The following PDE4D variants were observed in gnomAD, a reference collection of about 807,000 sequenced individuals.
PDE4D encodes the protein phosphodiesterase 4D.
In PDE4D, 24 loss-of-function variants were observed where a neutral mutation model predicts 87.4. The ratio of observed to expected loss-of-function variants is 0.27; its 90% CI spans 0.20 to 0.39. The LOEUF (loss-of-function observed/expected upper bound fraction) is 0.39, where lower values mean the gene tolerates loss of function less well. Ranked by LOEUF, PDE4D falls within the 10% of genes least tolerant of loss-of-function variation. The probability of loss-of-function intolerance (pLI) is 1.00; values close to 1 mark genes in which losing one functional copy is unlikely to be tolerated. For missense variants in PDE4D, 714 were observed against 1,041.0 expected (o/e 0.69, Z 4.32); for synonymous variants, 384 against 383.2 (o/e 1.00, Z -0.02).
intron 1 of PDE4D, among the ~76,000 whole-genome samples, chr5:60,377,508 C>T (rs895053990): frequency 3.9e-5 from 6 of 152,092 alleles, no homozygotes; most frequent in Non-Finnish European, 7.4e-5. Context: ...TGTTTATTAG[C>T]CAAAACAGAC....
chr5:59,823,981 C>T lies in PDE4D; in HGVS notation c.455+69187G>A, dbSNP rs78326291. Among the ~76,000 whole-genome samples the T allele has an allele frequency of 9.6e-3, 1,463 of 151,766 alleles. 20 individuals are homozygous for T. The highest frequency in any genetic ancestry group is 0.034 in the African/African-American group (1,397 of 41,318). ...TAGTCTCTGTCGCTCTCCATTGCATCACCCAGTTTTACTGTCTTCATAGCA... is the reference window on the plus strand; with the variant it reads ...TAGTCTCTGTCGCTCTCCATTGCATTACCCAGTTTTACTGTCTTCATAGCA... On this transcript the variant is annotated intron_variant, in intron 1 of 14. Coordinates refer to ENST00000340635, the MANE Select transcript of PDE4D (RefSeq NM_001104631.2).
At chr5:59,446,418 T>C (rs1407640933) in intron 1 of PDE4D, among the ~76,000 whole-genome samples, 1 of 152,230 alleles carries the variant, frequency 6.6e-6, no homozygotes, top group African/African-American at 2.4e-5. Flanking sequence ...GGAATTATCA[T>C]TACAGGGCAC....
intron 5 of PDE4D, among the ~76,000 whole-genome samples, chr5:59,066,269 C>A (rs938920331): frequency 3.9e-5 from 6 of 152,050 alleles, no homozygotes; most frequent in Admixed American, 2.0e-4. Flanking sequence ...CATGCAGGAA[C>A]ACAGAGAGAG....
chr5:59,214,490 C>T (rs1349317091), intron 2 of PDE4D, among the ~76,000 whole-genome samples: 1 of 152,168 alleles, frequency 6.6e-6, no homozygotes, highest in African/African-American at 2.4e-5. Flanking sequence ...CATCTCCTCT[C>T]TCTGTTCCTG....
intron 1 of PDE4D, among the ~76,000 whole-genome samples, chr5:59,262,273 A>G (rs76752737): frequency 0.016 from 2,428 of 152,028 alleles, 34 homozygotes; most frequent in Non-Finnish European, 0.027. Context: ...TAAAAAATGC[A>G]CCTTTACTTT....
In PDE4D at chr5:58,975,888, A is replaced by T. The variant is rs1307156326; in HGVS notation, c.1831-49T>A. ...TATTCACTCCTGTTCCTTTTTTTTA[A>T]AAAAAAAAACAAAAAAAACTAGAAA... On this transcript the variant is annotated intron_variant, in intron 13 of 14. Transcript: ENST00000340635. This position sits in a 1 kb window ranked among gnomAD's most constrained non-coding sequence, Gnocchi z 4.2. 7.7e-7 allele frequency: 1 copy of T among 1,301,510 alleles called. No individual in the cohort carries two copies. The highest frequency in any genetic ancestry group is 1.0e-6 in the Non-Finnish European group (1 of 985,238). 80.6% of individuals were successfully genotyped at this position (1,301,510 alleles called of 1,614,324 possible). A position where few individuals can be genotyped will look rare whatever the true frequency, so the allele number is the denominator to read the frequency against.
At chr5:59,288,208 G>A (rs1297302200) in intron 1 of PDE4D, among the ~76,000 whole-genome samples, 1 of 151,990 alleles carries the variant, frequency 6.6e-6, no homozygotes, top group Non-Finnish European at 1.5e-5. Flanking sequence ...ATAACACACA[G>A]AAGGAATTCA....
At chr5:59,038,769 A>G (rs1454829480) in intron 6 of PDE4D, 90 bp downstream of exon 6, 2 of 1,261,676 alleles carry the variant, frequency 1.6e-6, no homozygotes, top group Admixed American at 3.5e-5. Flanking sequence ...AAACCTCTCA[A>G]TTTATTTCCC....
At chr5:60,476,596 T>C (rs1748345492) in intron 1 of PDE4D, among the ~76,000 whole-genome samples, 1 of 152,210 alleles carries the variant, frequency 6.6e-6, no homozygotes, top group Non-Finnish European at 1.5e-5. Flanking sequence ...AGGCCTTGCG[T>C]GATCTGGTCC....
At chr5:59,287,015 C>A (rs950085437) in intron 1 of PDE4D, among the ~76,000 whole-genome samples, 1 of 152,240 alleles carries the variant, frequency 6.6e-6, no homozygotes, top group Non-Finnish European at 1.5e-5. Flanking sequence ...GAACAACTCT[C>A]CACACAAAAA....
intron 1 of PDE4D, among the ~76,000 whole-genome samples, chr5:59,723,303 GCAAATTACCTGAATAACT>G (rs1756120465): frequency 6.6e-6 from 1 of 151,974 alleles, no homozygotes; most frequent in Admixed American, 6.6e-5. Flanking sequence ...GTGAATATAG[GCAAATTACCTGAATAACT>G]CAACATGTTT....
intron 1 of PDE4D, among the ~76,000 whole-genome samples, chr5:60,503,084 G>T (rs1054343569): frequency 2.6e-4 from 39 of 152,130 alleles, no homozygotes; most frequent in African/African-American, 9.2e-4. Flanking sequence ...TCACTCAAAC[G>T]TCCATATCTT....
At chr5:60,265,660 T>C (rs1351412043) in intron 1 of PDE4D, among the ~76,000 whole-genome samples, 2 of 152,220 alleles carry the variant, frequency 1.3e-5, no homozygotes, top group South Asian at 4.1e-4. Context: ...GGTGGGACCC[T>C]AGACTAGAAA....
chr5:60,512,153 T>C (rs60568722), intron 1 of PDE4D, among the ~76,000 whole-genome samples: 12,952 of 152,140 alleles, frequency 0.085, 1,559 homozygotes, highest in African/African-American at 0.27. Flanking sequence ...AGATATAAAA[T>C]AATATGACAT....
At chr5:59,176,063 A>G (rs2153475763) in intron 5 of PDE4D, among the ~76,000 whole-genome samples, 1 of 152,196 alleles carries the variant, frequency 6.6e-6, no homozygotes, top group East Asian at 1.9e-4. Context: ...TCCAAATGCC[A>G]CACATCATCT....
intron 1 of PDE4D, among the ~76,000 whole-genome samples, chr5:60,269,398 A>T (rs1457319132): frequency 6.6e-6 from 1 of 152,248 alleles, no homozygotes; most frequent in Non-Finnish European, 1.5e-5. Context: ...ACACATTAAA[A>T]ATTCTTCAAA....
chr5:59,858,049 C>A (rs1745719127), intron 1 of PDE4D, among the ~76,000 whole-genome samples: 1 of 151,868 alleles, frequency 6.6e-6, no homozygotes, highest in Admixed American at 6.6e-5. Context: ...TGCAGGCAGG[C>A]AGGAAGTCAA....
intron 1 of PDE4D, among the ~76,000 whole-genome samples, chr5:60,476,567 A>C (rs2150206864): frequency 6.6e-6 from 1 of 152,286 alleles, no homozygotes; most frequent in Middle Eastern, 3.4e-3. Flanking sequence ...GAATGTAACG[A>C]GCTTACTGTT....
At chr5:60,078,457 A>T (rs1582540203) in intron 2 of PDE4D, among the ~76,000 whole-genome samples, 1 of 152,094 alleles carries the variant, frequency 6.6e-6, no homozygotes, top group East Asian at 1.9e-4. Context: ...TATGCTCAGA[A>T]CATACAGGTT....
Sources: allele counts gnomAD v4.1 joint callset (sites outside exome capture counted in the v4.1 genomes callset), GRCh38; gene constraint gnomAD v4.1.1; non-coding constraint Gnocchi (gnomAD v3.1); transcripts MANE v1.5; gene names NCBI Gene and HGNC (gene_info 2026-07-23, HGNC 2026-07-21).